Variants in WDR27 observed in about 807,000 individuals in gnomAD.
The protein encoded by WDR27 is WD repeat domain 27, also known as WD repeat-containing protein 27.
Under a neutral mutation model 114.4 loss-of-function variants are expected in WDR27, and 100 were observed. The ratio of observed to expected loss-of-function variants is 0.87; its 90% CI spans 0.74 to 1.03. WDR27 has a LOEUF of 1.03. Ranked by LOEUF, WDR27 falls within the 50% of genes least tolerant of loss-of-function variation. The pLI is 0.00. For missense variants in WDR27, 1,129 were observed against 1,092.9 expected (o/e 1.03, Z -0.47); for synonymous variants, 449 against 423.1 (o/e 1.06, Z -0.75).
At chr6:169,615,349 C>T (rs1249573786) in intron 21 of WDR27, among the ~76,000 whole-genome samples, 1 of 152,134 alleles carries the variant, frequency 6.6e-6, no homozygotes, top group African/African-American at 2.4e-5. Flanking sequence ...CTACCAATAG[C>T]TGTGTTTTCT....
At chr6:169,660,871 G>A (rs1474655167) in intron 9 of WDR27, 105 bp from the exon 10 acceptor site, 17 of 934,792 alleles carry the variant, frequency 1.8e-5, no homozygotes, top group Non-Finnish European at 6.2e-6. Flanking sequence ...CAGGAGTGGG[G>A]AGTGTGGGCG....
chr6:169,561,175 G>A (rs1468791996), intron 25 of WDR27, among the ~76,000 whole-genome samples: 1 of 151,910 alleles, frequency 6.6e-6, no homozygotes, highest in Non-Finnish European at 1.5e-5. Flanking sequence ...CCTGGTGAGG[G>A]GCCTCCTCCT....
chr6:169,628,084 G>T lies in WDR27; in HGVS notation c.2223+4863C>A, dbSNP rs548862465. The stretch of plus-strand genomic sequence containing the variant: ...ACCCCCACTGCAATGGTATTAAGAG[G>T]TGGGGCCCTTGAGAAGTGATTAGGT... On this transcript the variant is annotated intron_variant, in intron 21 of 25. Transcript: ENST00000448612. Among the ~76,000 whole-genome samples, 155 of 152,214 alleles carry T rather than the reference G, an allele frequency of 1.0e-3. 1 individual carries two copies. The highest frequency in any genetic ancestry group is 3.6e-3 in the African/African-American group (149 of 41,542).
intron 23 of WDR27, among the ~76,000 whole-genome samples, chr6:169,592,209 C>CT (rs1805875575): frequency 2.0e-5 from 3 of 152,150 alleles, no homozygotes; most frequent in African/African-American, 2.4e-5. Context: ...AACTTTCAGT[C>CT]TAACAGTACA....
intron 25 of WDR27, among the ~76,000 whole-genome samples, chr6:169,560,641 G>T (rs73792945): frequency 0.016 from 2,467 of 152,252 alleles, 64 homozygotes; most frequent in African/African-American, 0.057. Flanking sequence ...ACTAACTTTG[G>T]TCACTTTACC....
At chr6:169,664,547 C>G in intron 7 of WDR27, 1 of 1,330,778 alleles carries the variant, frequency 7.5e-7, no homozygotes, top group African/African-American at 1.5e-5. Context: ...TGCAGGCCTC[C>G]CCAAGATGCT....
chr6:169,564,879 C>T (rs1293190816), intron 25 of WDR27, among the ~76,000 whole-genome samples: 5 of 152,016 alleles, frequency 3.3e-5, no homozygotes, highest in East Asian at 1.9e-4. Context: ...AAGTAATGAA[C>T]GCCCGCGTCC....
intron 24 of WDR27, among the ~76,000 whole-genome samples, chr6:169,580,723 A>G (rs762351342): frequency 6.6e-6 from 1 of 152,108 alleles, no homozygotes; most frequent in Non-Finnish European, 1.5e-5. Context: ...TACTGTAGTC[A>G]TGGTAAGTAA....
the WDR27 span, among the ~76,000 whole-genome samples, chr6:169,435,059 G>C: frequency 2.0e-3 from 302 of 152,336 alleles, 3 homozygotes; most frequent in African/African-American, 7.1e-3. Flanking sequence ...CTCTAGCCAT[G>C]GCTAAAAGGG....
At chr6:169,651,423 G>C (rs1437308379) in intron 14 of WDR27, among the ~76,000 whole-genome samples, 1 of 152,102 alleles carries the variant, frequency 6.6e-6, no homozygotes, top group East Asian at 1.9e-4. Context: ...GTGGGCTCCT[G>C]AAGGTTTAGG....
intron 25 of WDR27, among the ~76,000 whole-genome samples, chr6:169,515,531 A>C (rs1413864860): frequency 6.6e-6 from 1 of 152,160 alleles, no homozygotes; most frequent in Non-Finnish European, 1.5e-5. Context: ...TAGATGTCAA[A>C]GTTACCATTA....
intron 25 of WDR27, among the ~76,000 whole-genome samples, chr6:169,511,816 A>T (rs1792932933): frequency 6.6e-6 from 1 of 152,198 alleles, no homozygotes; most frequent in East Asian, 1.9e-4. Flanking sequence ...TTCATAAAAA[A>T]TTGATGGATA....
intron 25 of WDR27, among the ~76,000 whole-genome samples, chr6:169,483,641 C>T (rs1788495510): frequency 6.6e-6 from 1 of 152,028 alleles, no homozygotes; most frequent in African/African-American, 2.4e-5. Context: ...GGGACTCCTC[C>T]CCAACTCATT....
chr6:169,617,875 G>A (rs2128192338), intron 21 of WDR27, among the ~76,000 whole-genome samples: 1 of 152,286 alleles, frequency 6.6e-6, no homozygotes, highest in South Asian at 2.1e-4. Context: ...GTCTAACTCT[G>A]CAGCTCGATT....
Position 169,577,550 on chromosome 6 carries a change from G to A in WDR27, c.2524-5010C>T, listed in dbSNP as rs1802605666. Among the ~76,000 whole-genome samples, 2 of 152,158 alleles carry A rather than the reference G, an allele frequency of 1.3e-5. 1 individual carries two copies. The highest frequency in any genetic ancestry group is 4.1e-4 in the South Asian group (2 of 4,832). ...CGGGGAGATGGTCGGAGTGAGCAAC[G>A]GGAGACGAACTCGGCCCCGAAGCAG... is the stretch of plus-strand genomic sequence containing the variant. On this transcript the variant is annotated intron_variant, in intron 24 of 25. Coordinates refer to ENST00000448612, the MANE Select transcript of WDR27 (RefSeq NM_182552.5).
At chr6:169,632,324 A>G (rs903086253) in intron 21 of WDR27, among the ~76,000 whole-genome samples, 3 of 152,228 alleles carry the variant, frequency 2.0e-5, no homozygotes, top group African/African-American at 7.2e-5. Context: ...ATGCATCGTA[A>G]GTTAAATCCT....
rs138374105 is a variant in WDR27, at chr6:169,688,948, T to A, written c.58A>T (p.Ile20Leu). The A allele has an allele frequency of 6.6e-5, 106 of 1,613,896 alleles. No individual in the cohort carries two copies. In the East Asian group the frequency reaches 2.1e-3, roughly 32 times the overall value. The change falls in exon 2 of 26, where the codon ATA becomes TTA. Residue 20 changes from isoleucine to leucine, a missense_variant. Transcript: ENST00000448612. ...SNGGCLSDIV[I>L]EKYLVESKES... ...TTGGATTCAACCAGGTATTTTTCTA[T>A]AACTATATCACTTAGACAGCCACCA...
intron 25 of WDR27, among the ~76,000 whole-genome samples, chr6:169,527,364 A>T (rs549067339): frequency 6.6e-6 from 1 of 151,380 alleles, no homozygotes; most frequent in East Asian, 1.9e-4. Context: ...AAGCTGCATA[A>T]AAGAGGTCAG....
At chr6:169,629,799 C>T (rs1584726128) in intron 21 of WDR27, among the ~76,000 whole-genome samples, 1 of 151,740 alleles carries the variant, frequency 6.6e-6, no homozygotes, top group African/African-American at 2.4e-5. Context: ...TGGTGGCCCA[C>T]GACTCTAATC....
Sources: gnomAD v4.1 joint callset for allele counts (sites outside exome capture counted in the v4.1 genomes callset) on GRCh38, gnomAD v4.1.1 for gene constraint, MANE v1.5 for transcripts, NCBI Gene and HGNC (gene_info 2026-07-23, HGNC 2026-07-21) for gene names.